The following GALNTL6 variants were observed in gnomAD, a reference collection of about 807,000 sequenced individuals.
GALNTL6 encodes the protein polypeptide N-acetylgalactosaminyltransferase-like 6.
Under a neutral mutation model 73.7 loss-of-function variants are expected in GALNTL6, and 46 were observed. That is an observed-to-expected ratio of 0.62 (90% CI 0.49 to 0.80). The LOEUF is 0.80. GALNTL6 is among the 30% of genes least tolerant of loss of function. The pLI, the probability that GALNTL6 is intolerant of heterozygous loss-of-function variation, is 0.00. For synonymous variants in GALNTL6, 259 were observed against 263.7 expected (o/e 0.98, Z 0.17); for missense variants, 604 against 755.0 (o/e 0.80, Z 2.34).
At chr4:172,951,962 A>T in intron 9 of GALNTL6, 75 bp from the exon 10 acceptor site, 2 of 1,263,914 alleles carry the variant, frequency 1.6e-6, no homozygotes, top group Admixed American at 4.3e-5. Context: ...TTCTTTTTTC[A>T]ATTTCTGGTG....
At chr4:172,928,897 C>T (rs1046392341) in intron 8 of GALNTL6, among the ~76,000 whole-genome samples, 11 of 152,252 alleles carry the variant, frequency 7.2e-5, no homozygotes, top group African/African-American at 2.2e-4. Flanking sequence ...AGATCTAGAT[C>T]GTTGGTCCCT....
intron 2 of GALNTL6, among the ~76,000 whole-genome samples, chr4:172,049,442 A>G (rs1208049465): frequency 6.6e-6 from 1 of 152,126 alleles, no homozygotes; most frequent in African/African-American, 2.4e-5. Context: ...AGTAATTGTC[A>G]ATTACTTTAC....
chr4:173,003,261 T>C (rs1260626879), intron 10 of GALNTL6, among the ~76,000 whole-genome samples: 3 of 152,188 alleles, frequency 2.0e-5, no homozygotes, highest in African/African-American at 4.8e-5. Context: ...AAATTGTTCA[T>C]TCATTGAGGG....
intron 7 of GALNTL6, among the ~76,000 whole-genome samples, chr4:172,880,122 T>C (rs1442885372): frequency 2.0e-5 from 3 of 152,148 alleles, no homozygotes; most frequent in East Asian, 3.9e-4. Flanking sequence ...TAGACATACC[T>C]ACTATATGAT....
chr4:172,847,047 TA>T (rs1358571382), intron 7 of GALNTL6, among the ~76,000 whole-genome samples: 1 of 152,200 alleles, frequency 6.6e-6, no homozygotes, highest in African/African-American at 2.4e-5. Context: ...TGTCCATGAA[TA>T]TATGTCACAA....
At chr4:172,162,784 A>G (rs542977932) in intron 2 of GALNTL6, among the ~76,000 whole-genome samples, 6 of 152,198 alleles carry the variant, frequency 3.9e-5, no homozygotes, top group African/African-American at 1.2e-4. Flanking sequence ...GACTTCTGAC[A>G]TAATCCTGCA....
chr4:172,923,441 A>C (rs964757546), intron 8 of GALNTL6, among the ~76,000 whole-genome samples: 1 of 151,824 alleles, frequency 6.6e-6, no homozygotes, highest in Non-Finnish European at 1.5e-5. Flanking sequence ...CACTTGGGAA[A>C]TGTGGGAGCT....
intron 8 of GALNTL6, among the ~76,000 whole-genome samples, chr4:172,884,482 C>T (rs1745617967): frequency 6.6e-6 from 1 of 152,052 alleles, no homozygotes; most frequent in South Asian, 2.1e-4. Flanking sequence ...AAGGATTTTA[C>T]TGTTGAGTTG....
intron 5 of GALNTL6, among the ~76,000 whole-genome samples, chr4:172,592,312 A>C (rs1737669446): frequency 1.3e-5 from 2 of 152,168 alleles, no homozygotes; most frequent in Admixed American, 6.5e-5. Flanking sequence ...CAGTCTCCTG[A>C]GAGGGAGAAG....
intron 2 of GALNTL6, among the ~76,000 whole-genome samples, chr4:172,084,984 G>A (rs967615253): frequency 2.6e-5 from 4 of 152,112 alleles, no homozygotes; most frequent in African/African-American, 9.7e-5. Flanking sequence ...GGAGAACTGA[G>A]TTTCTTAAAG....
chr4:171,858,792 T>A (rs1735756155), intron 2 of GALNTL6, among the ~76,000 whole-genome samples: 1 of 152,054 alleles, frequency 6.6e-6, no homozygotes, highest in Non-Finnish European at 1.5e-5. Flanking sequence ...AAGCTAACGT[T>A]TTCAAATTAT....
intron 10 of GALNTL6, among the ~76,000 whole-genome samples, chr4:173,003,637 G>A (rs1294852771): frequency 6.6e-5 from 10 of 152,132 alleles, no homozygotes; most frequent in East Asian, 1.9e-4. Context: ...AGGCATGATC[G>A]TCTTCATTTT....
chr4:172,514,105 C>T (rs1268253100), intron 5 of GALNTL6, among the ~76,000 whole-genome samples: 1 of 152,070 alleles, frequency 6.6e-6, no homozygotes, highest in Non-Finnish European at 1.5e-5. Context: ...TACAAGCTTG[C>T]CCTAAGGTCA....
At chr4:172,117,313 T>C (rs79164658) in intron 2 of GALNTL6, among the ~76,000 whole-genome samples, 2,721 of 152,332 alleles carry the variant, frequency 0.018, 78 homozygotes, top group African/African-American at 0.059. Context: ...AATGTTATTC[T>C]AATTGAGTCA....
At chr4:172,707,895 T>TGTTACA (rs1230029880) in intron 5 of GALNTL6, among the ~76,000 whole-genome samples, 1 of 152,028 alleles carries the variant, frequency 6.6e-6, no homozygotes, top group Non-Finnish European at 1.5e-5. Context: ...GCAGAATTCT[T>TGTTACA]GTTACAGTTG....
chr4:171,874,013 G>T (rs894465334), intron 2 of GALNTL6, among the ~76,000 whole-genome samples: 1 of 152,092 alleles, frequency 6.6e-6, no homozygotes, highest in Admixed American at 6.6e-5. Flanking sequence ...GTTGAATGCC[G>T]GCAGAATTCT....
intron 8 of GALNTL6, among the ~76,000 whole-genome samples, chr4:172,918,348 C>T (rs577391075): frequency 6.6e-6 from 1 of 151,640 alleles, no homozygotes; most frequent in Admixed American, 6.6e-5. Flanking sequence ...TAACAAACTT[C>T]CACATTGTGC....
intron 5 of GALNTL6, among the ~76,000 whole-genome samples, chr4:172,694,295 G>GC (rs1254721987): frequency 1.3e-5 from 2 of 151,112 alleles, no homozygotes; most frequent in Non-Finnish European, 2.9e-5. Context: ...CCCTCCCCTT[G>GC]CCCCCAATAC....
chr4:172,621,339 G>C (rs181236448), intron 5 of GALNTL6, among the ~76,000 whole-genome samples: 2 of 152,164 alleles, frequency 1.3e-5, no homozygotes, highest in East Asian at 3.9e-4. Context: ...ACAGGCATAA[G>C]CCAATGTGCC....
Sources: allele counts gnomAD v4.1 joint callset (sites outside exome capture counted in the v4.1 genomes callset), GRCh38; gene constraint gnomAD v4.1.1; transcripts MANE v1.5; gene names NCBI Gene and HGNC (gene_info 2026-07-23, HGNC 2026-07-21).